Variants in MTCL1 observed in about 807,000 individuals in gnomAD.
MTCL1 encodes microtubule cross-linking factor 1.
MTCL1 carries 79 observed loss-of-function variants against 141.4 expected under a neutral mutation model. The ratio of observed to expected loss-of-function variants is 0.56; its 90% CI spans 0.47 to 0.67. MTCL1 has a LOEUF of 0.67. MTCL1 is among the 30% of genes least tolerant of loss of function. MTCL1 has a pLI of 0.00. For synonymous variants in MTCL1, 914 were observed against 875.8 expected (o/e 1.04, Z -0.77); for missense variants, 2,177 against 2,113.9 (o/e 1.03, Z -0.59).
intron 6 of MTCL1, among the ~76,000 whole-genome samples, chr18:8,785,099 GCT>G (rs1306122669): frequency 6.6e-6 from 1 of 151,602 alleles, no homozygotes; most frequent in Non-Finnish European, 1.5e-5. Flanking sequence ...CTGCGCCGCG[GCT>G]CATGGTTTAG....
At position 8,822,891 on chromosome 18, in the gene MTCL1, A is replaced by G. The variant is rs76902100; in HGVS notation, c.3188+1393A>G. On this transcript the variant is annotated intron_variant, in intron 14 of 16. Coordinates refer to ENST00000359865, the Ensembl canonical transcript of MTCL1. This position sits in a 1 kb window ranked among gnomAD's most constrained non-coding sequence, Gnocchi z 4.6. ...CATCAACTTTTATGCTTTCAAAAGT[A>G]ACACATGCTTGTTATAAAATGTAAA... is the stretch of plus-strand genomic sequence containing the variant. Among the ~76,000 whole-genome samples, 476 of 152,274 alleles carry G rather than the reference A, an allele frequency of 3.1e-3. No individual in the cohort carries two copies. The highest frequency in any genetic ancestry group is 4.4e-3 in the Non-Finnish European group (297 of 68,022).
intron 16 of MTCL1, chr18:8,829,313 T>A: frequency 1.0e-6 from 1 of 985,086 alleles, no homozygotes; most frequent in South Asian, 4.7e-5. Context: ...CCTGAGGGGG[T>A]CTTTGGGCCC....
intron 13 of MTCL1, among the ~76,000 whole-genome samples, chr18:8,820,262 TAGCC>T (rs2076799086): frequency 6.6e-6 from 1 of 151,902 alleles, no homozygotes; most frequent in Non-Finnish European, 1.5e-5. Flanking sequence ...ACAAAAAAAT[TAGCC>T]AGGCGTGGTG....
exon 6 of MTCL1, chr18:8,784,840 G>A: frequency 6.3e-7 from 1 of 1,586,716 alleles, no homozygotes; most frequent in Non-Finnish European, 8.6e-7. Context: ...GCCCAGACTT[G>A]CAGGTAAGGG....
At chr18:8,825,676 A>G (rs1432965942) in exon 15 of MTCL1, 4 of 1,613,752 alleles carry the variant, frequency 2.5e-6, no homozygotes, top group African/African-American at 2.7e-5. Flanking sequence ...TGCTCCCCCA[A>G]GTATGGTTCT....
At position 8,705,784 on chromosome 18, in the gene MTCL1, C is replaced by T. The variant is rs1310596147; in HGVS notation, c.124C>T (p.Pro42Ser). 8 of 1,196,836 alleles carry T rather than the reference C, an allele frequency of 6.7e-6. No homozygotes were observed. The Admixed American group carries it at 2.2e-4, about 33-fold the overall frequency. The allele number at this position is 1,196,836 out of a possible 1,614,324, so 74.1% of individuals were successfully genotyped here. Residue 42 changes from proline (P) to serine (S), a missense_variant, in exon 1 of 14, where the codon CCC (proline) becomes TCC (serine). By Grantham distance (74) the Pro-to-Ser change is moderately conservative (BLOSUM62 -1). Transcript: ENST00000306329. This position sits in a 1 kb window ranked among gnomAD's most constrained non-coding sequence, Gnocchi z 5.2. ...CGAAAGGCGGCGGCTGCACCGTGCG[C>T]CCTCGCCCGCCAGACCCTTCCTCAA...
chr18:8,826,010 G>T (rs756126767), exon 15 of MTCL1: 6 of 1,608,502 alleles, frequency 3.7e-6, no homozygotes, highest in Admixed American at 3.4e-5. Context: ...TTGGGGTGGG[G>T]TCAGAGATGT....
chr18:8,714,574 C>T (rs1408742608), upstream of MTCL1, among the ~76,000 whole-genome samples: 1 of 152,086 alleles, frequency 6.6e-6, no homozygotes, highest in East Asian at 1.9e-4. Context: ...TACATGGAGG[C>T]ACGTAAGAAC....
intron 4 of MTCL1, among the ~76,000 whole-genome samples, chr18:8,763,712 C>T (rs561300695): frequency 6.2e-4 from 94 of 152,278 alleles, no homozygotes; most frequent in Middle Eastern, 3.4e-3. Context: ...AGTGTCTGTC[C>T]TTTGCTAATT....
intron 7 of MTCL1, among the ~76,000 whole-genome samples, chr18:8,789,060 C>A (rs1359122260): frequency 6.6e-6 from 1 of 152,210 alleles, no homozygotes; most frequent in African/African-American, 2.4e-5. Context: ...CATGCACGGA[C>A]GCTGGTCAGA....
chr18:8,725,651 C>T (rs1016539837), intron 4 of MTCL1, among the ~76,000 whole-genome samples: 2 of 152,020 alleles, frequency 1.3e-5, no homozygotes, highest in East Asian at 1.9e-4. Context: ...AATGTATTGA[C>T]TCATTTGTTC....
At chr18:8,788,231 T>C (rs1432153996) in intron 7 of MTCL1, among the ~76,000 whole-genome samples, 1 of 152,142 alleles carries the variant, frequency 6.6e-6, no homozygotes, top group Non-Finnish European at 1.5e-5. Context: ...CTGGAGGTCC[T>C]GCCGGCAGCT....
intron 4 of MTCL1, among the ~76,000 whole-genome samples, chr18:8,763,088 A>G (rs1483910107): frequency 1.3e-5 from 2 of 152,210 alleles, no homozygotes; most frequent in East Asian, 3.8e-4. Context: ...CCCCCAACCA[A>G]GCCCGCTCAA....
At chr18:8,749,713 T>TG (rs1471458558) in intron 4 of MTCL1, among the ~76,000 whole-genome samples, 1 of 152,136 alleles carries the variant, frequency 6.6e-6, no homozygotes, top group Non-Finnish European at 1.5e-5. Flanking sequence ...CCACTGGCCC[T>TG]GGCCCTGGAC....
At chr18:8,706,611 G>A in exon 1 of MTCL1, 1 of 1,533,172 alleles carries the variant, frequency 6.5e-7, no homozygotes, top group Non-Finnish European at 8.8e-7. Flanking sequence ...GGACCCCCAA[G>A]GAGCCCAGCC....
chr18:8,795,148 G>A (rs1046794268), intron 8 of MTCL1, among the ~76,000 whole-genome samples: 10 of 152,230 alleles, frequency 6.6e-5, no homozygotes, highest in African/African-American at 1.7e-4. Flanking sequence ...CACGCAAGTC[G>A]TTGTCTAGAC....
At chr18:8,766,123 T>G (rs1780670986) in intron 4 of MTCL1, among the ~76,000 whole-genome samples, 2 of 152,192 alleles carry the variant, frequency 1.3e-5, no homozygotes, top group Non-Finnish European at 2.9e-5. Context: ...CATAGATTGG[T>G]GTCATTTAGA....
chr18:8,826,516 A>T (rs762622827), intron 15 of MTCL1, among the ~76,000 whole-genome samples: 1 of 152,106 alleles, frequency 6.6e-6, no homozygotes, highest in Non-Finnish European at 1.5e-5. Context: ...ATCCTTATTT[A>T]TCAGGGCATT....
chr18:8,796,173 G>A, intron 8 of MTCL1, 59 bp from the exon 8 acceptor site: 4 of 1,567,392 alleles, frequency 2.6e-6, no homozygotes, highest in Non-Finnish European at 3.5e-6. Flanking sequence ...CTCTTGGTTT[G>A]GTTTGGGTGG....
Sources: gnomAD v4.1 joint callset for allele counts (sites outside exome capture counted in the v4.1 genomes callset) on GRCh38, gnomAD v4.1.1 for gene constraint, Gnocchi (gnomAD v3.1) non-coding constraint, MANE v1.5 for transcripts, NCBI Gene and HGNC (gene_info 2026-07-23, HGNC 2026-07-21) for gene names.